The following HS3ST3B1 variants were observed in gnomAD, a reference collection of about 807,000 sequenced individuals.
HS3ST3B1 encodes the protein heparan sulfate glucosamine 3-O-sulfotransferase 3B1.
HS3ST3B1 carries 13 observed loss-of-function variants against 21.3 expected under a neutral mutation model. The observed-to-expected ratio is 0.61, with a 90% CI of 0.40 to 0.97. The LOEUF (loss-of-function observed/expected upper bound fraction) is 0.97, where lower values mean the gene tolerates loss of function less well. Ranked by LOEUF, HS3ST3B1 falls within the 50% of genes least tolerant of loss-of-function variation. HS3ST3B1 has a pLI of 0.00. For missense variants in HS3ST3B1, 459 were observed against 554.8 expected, an observed-to-expected ratio of 0.83 and a Z score of 1.73; for synonymous variants, 234 against 254.8, an observed-to-expected ratio of 0.92 and a Z score of 0.78.
chr17:14,338,049 C>T (rs1405261919), intron 1 of HS3ST3B1, among the ~76,000 whole-genome samples: 1 of 151,712 alleles, frequency 6.6e-6, no homozygotes, highest in Non-Finnish European at 1.5e-5. Context: ...TGGGGAGGGG[C>T]CAGGCATATA....
intron 1 of HS3ST3B1, among the ~76,000 whole-genome samples, chr17:14,341,028 T>G (rs1447496243): frequency 6.6e-6 from 1 of 152,206 alleles, no homozygotes; most frequent in African/African-American, 2.4e-5. Context: ...AACACCAGAC[T>G]GTCCTGGGGA....
chr17:14,322,524 C>G (rs1008789881), intron 1 of HS3ST3B1, among the ~76,000 whole-genome samples: 2 of 152,158 alleles, frequency 1.3e-5, no homozygotes, highest in African/African-American at 4.8e-5. Flanking sequence ...TTTTCTGTAG[C>G]ATGAACTTTG....
At chr17:14,317,511 AAG>A (rs1217675807) in intron 1 of HS3ST3B1, among the ~76,000 whole-genome samples, 1 of 152,198 alleles carries the variant, frequency 6.6e-6, no homozygotes, top group Non-Finnish European at 1.5e-5. Context: ...GAGAGAGAGA[AAG>A]AGGCCCAGAG....
intron 1 of HS3ST3B1, among the ~76,000 whole-genome samples, chr17:14,320,384 T>C (rs112897845): frequency 5.3e-5 from 8 of 151,902 alleles, no homozygotes; most frequent in Non-Finnish European, 1.2e-4. Flanking sequence ...GCAGAAGGAA[T>C]GCATGTGAAA....
intron 1 of HS3ST3B1, among the ~76,000 whole-genome samples, chr17:14,338,733 A>G (rs1910277071): frequency 2.6e-5 from 4 of 152,156 alleles, no homozygotes; most frequent in Admixed American, 1.3e-4. Flanking sequence ...GTGAGCCAGC[A>G]CACCCAGCCT....
chr17:14,337,204 C>T (rs894535022), intron 1 of HS3ST3B1, among the ~76,000 whole-genome samples: 1 of 152,002 alleles, frequency 6.6e-6, no homozygotes, highest in African/African-American at 2.4e-5. Context: ...TAGAGGTGGA[C>T]TTATCTTTCT....
chr17:14,326,000 T>C (rs1167752910), intron 1 of HS3ST3B1, among the ~76,000 whole-genome samples: 1 of 151,630 alleles, frequency 6.6e-6, no homozygotes, highest in Non-Finnish European at 1.5e-5. Flanking sequence ...GAGGTTATGA[T>C]GACTCTGTGT....
In HS3ST3B1 at chr17:14,307,736, A is replaced by G. The variant is rs797010831; in HGVS notation, c.554+5664A>G. The stretch of plus-strand genomic sequence containing the variant: ...TTTGAATACTTTATGTTCTCACTCT[A>G]TGAACATGGAAATTAAGTTGATTGA... On this transcript the variant is annotated intron_variant, in intron 1 of 1. Coordinates refer to ENST00000360954, the MANE Select transcript of HS3ST3B1 (RefSeq NM_006041.3). Among the ~76,000 whole-genome samples, 12 of 152,316 alleles carry G rather than the reference A, an allele frequency of 7.9e-5. 1 individual carries two copies. Among genetic ancestry groups the G allele is most frequent in the African/African-American group, 2.9e-4 (12 of 41,570 alleles).
rs1041363702 is a variant in HS3ST3B1, at chr17:14,303,284, G to A, written c.554+1212G>A. On this transcript the variant is annotated intron_variant, in intron 1 of 1. Coordinates refer to ENST00000360954, the MANE Select transcript of HS3ST3B1 (RefSeq NM_006041.3). This position sits in a 1 kb window ranked among gnomAD's most constrained non-coding sequence, Gnocchi z 5.7. ...CAAGACTTGGGAAAACAAAAGAGGA[G>A]AAGATAACTGAACCCCTCTCCCTGT... Among the ~76,000 whole-genome samples the A allele has an allele frequency of 3.9e-5, 6 of 152,296 alleles. No individual in the cohort carries two copies. In the East Asian group the frequency reaches 1.2e-3, roughly 29 times the overall value.
intron 1 of HS3ST3B1, among the ~76,000 whole-genome samples, chr17:14,334,450 T>C (rs1910128935): frequency 6.6e-6 from 1 of 152,106 alleles, no homozygotes; most frequent in South Asian, 2.1e-4. Context: ...TTCCTGGGCT[T>C]AAGCAATCCT....
chr17:14,338,061 C>A (rs534846466), intron 1 of HS3ST3B1, among the ~76,000 whole-genome samples: 18 of 151,746 alleles, frequency 1.2e-4, no homozygotes, highest in Non-Finnish European at 2.2e-4. Flanking sequence ...AGGCATATAA[C>A]GCCAGTTAAA....
intron 1 of HS3ST3B1, among the ~76,000 whole-genome samples, chr17:14,320,375 C>T (rs67868465): frequency 0.091 from 13,866 of 151,898 alleles, 964 homozygotes; most frequent in African/African-American, 0.19. Context: ...AAGATCATGG[C>T]AGAAGGAATG....
At position 14,321,637 on chromosome 17, in the gene HS3ST3B1, G is replaced by C. The variant is rs1004011276; in HGVS notation, c.554+19565G>C. Among the ~76,000 whole-genome samples, 14 of 152,230 alleles carry C rather than the reference G, an allele frequency of 9.2e-5. 1 individual carries two copies. Among genetic ancestry groups the C allele is most frequent in the Middle Eastern group, 3.4e-3 (1 of 294 alleles). On this transcript the variant is annotated intron_variant, in intron 1 of 1. Coordinates refer to ENST00000360954, the MANE Select transcript of HS3ST3B1 (RefSeq NM_006041.3). ...AGGTGAGCTGCCTTGAGCAACCCTG[G>C]CCTGTAATATTAGTTCCAGGATGTG... is the stretch of plus-strand genomic sequence containing the variant.
chr17:14,336,023 C>T (rs1280747756), intron 1 of HS3ST3B1, among the ~76,000 whole-genome samples: 6 of 152,046 alleles, frequency 3.9e-5, no homozygotes, highest in Non-Finnish European at 8.8e-5. Flanking sequence ...GTTCAGAAAA[C>T]GTGGGGTATT....
At chr17:14,332,512 C>A (rs1356581817) in intron 1 of HS3ST3B1, among the ~76,000 whole-genome samples, 1 of 151,750 alleles carries the variant, frequency 6.6e-6, no homozygotes, top group Non-Finnish European at 1.5e-5. Flanking sequence ...AGTCTGCAAC[C>A]GCTCCCACCG....
At chr17:14,334,289 C>A (rs1910123202) in intron 1 of HS3ST3B1, among the ~76,000 whole-genome samples, 1 of 149,074 alleles carries the variant, frequency 6.7e-6, no homozygotes, top group African/African-American at 2.5e-5. Flanking sequence ...TTTAAATTGA[C>A]TTTATTTTTA....
At chr17:14,341,171 C>T (rs1910368870) in intron 1 of HS3ST3B1, among the ~76,000 whole-genome samples, 1 of 152,204 alleles carries the variant, frequency 6.6e-6, no homozygotes, top group Admixed American at 6.5e-5. Flanking sequence ...GTTTCCTATA[C>T]ACAATTGCCG....
chr17:14,319,521 A>G (rs1909593869), intron 1 of HS3ST3B1, among the ~76,000 whole-genome samples: 1 of 152,160 alleles, frequency 6.6e-6, no homozygotes, highest in Non-Finnish European at 1.5e-5. Flanking sequence ...TTAAGTACTG[A>G]CATTAATGTA....
chr17:14,340,579 A>G (rs1212524084), intron 1 of HS3ST3B1, among the ~76,000 whole-genome samples: 2 of 151,144 alleles, frequency 1.3e-5, no homozygotes, highest in Non-Finnish European at 3.0e-5. Flanking sequence ...GTGATTAATT[A>G]CTCTTTTCTT....
Sources: gnomAD v4.1 joint callset for allele counts (sites outside exome capture counted in the v4.1 genomes callset) on GRCh38, gnomAD v4.1.1 for gene constraint, Gnocchi (gnomAD v3.1) non-coding constraint, MANE v1.5 for transcripts, NCBI Gene and HGNC (gene_info 2026-07-23, HGNC 2026-07-21) for gene names.